Variants in NUDT14 observed in about 807,000 individuals in gnomAD.
NUDT14 encodes nudix hydrolase 14.
Under a neutral mutation model 17.5 loss-of-function variants are expected in NUDT14, and 22 were observed. That is an observed-to-expected ratio of 1.26 (90% CI 0.90 to 1.80). The LOEUF (loss-of-function observed/expected upper bound fraction) is 1.80. Ranked by LOEUF, NUDT14 falls within the 40% of genes most tolerant of loss-of-function variation. The pLI is 0.00. For synonymous variants in NUDT14, 129 were observed against 125.8 expected (o/e 1.03, Z -0.17); for missense variants, 296 against 295.6 (o/e 1.00, Z -0.01).
intron 2 of NUDT14, chr14:105,177,307 C>T (rs751780926): frequency 8.1e-5 from 49 of 605,246 alleles, no homozygotes; most frequent in Non-Finnish European, 1.3e-4. Context: ...TCAGGGTGCT[C>T]GCAGCTGAGG....
At position 105,177,840 on chromosome 14, in the gene NUDT14, C is replaced by G. The variant is rs183889098; in HGVS notation, c.82-105G>C. On this transcript the variant is annotated intron_variant, in intron 1 of 4. Transcript: ENST00000392568. ...TGCACCCACTCCTAACCAGGGAGAT[C>G]GGCTCGTGGCCTGGGCCCACGGGAG... The G allele has an allele frequency of 4.0e-4, 444 of 1,096,858 alleles. 2 individuals are homozygous for G. In the Middle Eastern group the frequency reaches 5.8e-3, roughly 14 times the overall value. 67.9% of individuals were successfully genotyped at this position (1,096,858 alleles called of 1,614,324 possible).
chr14:105,175,616 T>G, intron 4 of NUDT14: 3 of 604,388 alleles, frequency 5.0e-6, no homozygotes, highest in Non-Finnish European at 6.2e-6. Context: ...GTCAGGCTGG[T>G]CTCGAACTCC....
intron 1 of NUDT14, 172 bp from the exon 2 acceptor site, chr14:105,177,907 G>A: frequency 3.3e-6 from 2 of 607,760 alleles, no homozygotes; most frequent in Non-Finnish European, 3.0e-6. Flanking sequence ...CAAGCAGCCT[G>A]GGAGGGGCAG....
chr14:105,174,266 G>A (rs1889165594), intron 4 of NUDT14, among the ~76,000 whole-genome samples: 1 of 152,066 alleles, frequency 6.6e-6, no homozygotes, highest in African/African-American at 2.4e-5. Flanking sequence ...GGGCTAGGAG[G>A]ACAGGATGGC....
chr14:105,176,318 C>G (rs973185801), intron 4 of NUDT14: 3 of 601,396 alleles, frequency 5.0e-6, no homozygotes, highest in Non-Finnish European at 8.8e-6. Context: ...GGGCCGCAGG[C>G]TGGGGGCATG....
In NUDT14 at chr14:105,177,043, G is replaced by A; in HGVS notation, c.126-16C>T. 1.2e-6 allele frequency: 2 copies of A among 1,609,602 alleles called. No individual in the cohort carries two copies. Among genetic ancestry groups the A allele is most frequent in the Non-Finnish European group, 1.7e-6 (2 of 1,178,956 alleles). On this transcript the variant is annotated splice_polypyrimidine_tract_variant and intron_variant, in intron 2 of 4. Coordinates refer to ENST00000392568, the MANE Select transcript of NUDT14 (RefSeq NM_177533.5). Reference sequence around the variant, plus strand: ...AACGGTCACGCTGTGTACGGGGGGAGGGGCTCAGCACAGAAGCACTCCACT... The same window carrying A: ...AACGGTCACGCTGTGTACGGGGGGAAGGGCTCAGCACAGAAGCACTCCACT...
rs776620428 is a variant in NUDT14 at position 105,173,054 on chromosome 14, G to A, written c.636C>T (p.Leu212=). 8 of 1,520,414 alleles carry A rather than the reference G, an allele frequency of 5.3e-6. No homozygotes were observed. The highest frequency in any genetic ancestry group is 7.1e-6 in the Non-Finnish European group (8 of 1,133,726). The allele number at this position is 1,520,414 out of a possible 1,614,324, so 94.2% of individuals were successfully genotyped here. Residue 212 remains leucine (L), a synonymous_variant, in exon 5 of 5, where the codon CTC becomes CTT. Transcript: ENST00000392568. This position sits in a 1 kb window ranked among gnomAD's most constrained non-coding sequence, Gnocchi z 4.7. ...LGVIFGVSWF[L]SQVAPNLDLQ is the part of the protein sequence containing the mutation. ...GATCCAGGTTGGGGGCCACCTGGCTGAGGAACCATGAGACACCAAAGATGA... is the reference window on the plus strand; with the variant it reads ...GATCCAGGTTGGGGGCCACCTGGCTAAGGAACCATGAGACACCAAAGATGA...
At chr14:105,174,099 G>A (rs1458518299) in intron 4 of NUDT14, among the ~76,000 whole-genome samples, 1 of 152,038 alleles carries the variant, frequency 6.6e-6, no homozygotes, top group Non-Finnish European at 1.5e-5. Context: ...GGGTGGCAGC[G>A]AGGTCCTCAG....
intron 2 of NUDT14, chr14:105,177,436 C>A: frequency 1.8e-6 from 1 of 560,684 alleles, no homozygotes; most frequent in Non-Finnish European, 3.2e-6. Flanking sequence ...TCCAGGACAG[C>A]CTCTCCCTGC....
chr14:105,177,971 G>A (rs1889252801), intron 1 of NUDT14, among the ~76,000 whole-genome samples: 1 of 152,118 alleles, frequency 6.6e-6, no homozygotes, highest in South Asian at 2.1e-4. Context: ...CCAGGGCAAA[G>A]GGCAGGGAAG....
At position 105,173,137 on chromosome 14, in the gene NUDT14, G is replaced by A; in HGVS notation, c.553C>T (p.Pro185Ser). The change falls in exon 5 of 5, where the codon CCC becomes TCC. Residue 185 changes from proline (P) to serine (S), a missense_variant. Coordinates refer to ENST00000392568, the MANE Select transcript of NUDT14 (RefSeq NM_177533.5). This position sits in a 1 kb window ranked among gnomAD's most constrained non-coding sequence, Gnocchi z 4.7. Reference protein sequence around the residue: ...EGELIEVVHLPLEGAQAFADD... With the variant: ...EGELIEVVHLSLEGAQAFADD... ...GCAAAGGCCTGGGCGCCTTCCAGGG[G>A]CAGGTGCACCACCTCAATGAGCTCA... 1.2e-6 allele frequency: 2 copies of A among 1,609,152 alleles called. No homozygotes were observed. The highest frequency in any genetic ancestry group is 2.2e-5 in the East Asian group (1 of 44,780).
chr14:105,175,903 T>C (rs1595199258), intron 4 of NUDT14: 2 of 1,197,930 alleles, frequency 1.7e-6, no homozygotes, highest in Non-Finnish European at 2.1e-6. Flanking sequence ...TGGAGGCTGG[T>C]GCTCAGCTGG....
chr14:105,175,036 G>A (rs587595535), intron 4 of NUDT14, among the ~76,000 whole-genome samples: 37 of 152,296 alleles, frequency 2.4e-4, no homozygotes, highest in African/African-American at 8.4e-4. Context: ...TTCCCGATGC[G>A]AGTCTAAGCA....
At chr14:105,175,151 C>T (rs1889183915) in intron 4 of NUDT14, among the ~76,000 whole-genome samples, 1 of 152,222 alleles carries the variant, frequency 6.6e-6, no homozygotes, top group Non-Finnish European at 1.5e-5. Flanking sequence ...GGCTGCTTGA[C>T]CACTTGCCCT....
Position 105,176,612 on chromosome 14 carries a change from TC to T in NUDT14, c.349del (p.Glu117LysfsTer32). ...CTCCCAAGCCTCCTTGCAAGCCACTTCCTCCAGCGAGAGCCCAGGCTGGTCC... is the reference window on the plus strand; with the variant it reads ...CTCCCAAGCCTCCTTGCAAGCCACTTCTCCAGCGAGAGCCCAGGCTGGTCC... The part of the protein sequence containing the change: ...LVDQPGLSLE[E>X]VACKEAWEEC... On this transcript the variant is annotated frameshift_variant, in exon 4 of 5. Coordinates refer to ENST00000392568, the MANE Select transcript of NUDT14 (RefSeq NM_177533.5). LOFTEE classifies it high-confidence loss of function. 6.2e-7 allele frequency: 1 copy of T among 1,612,544 alleles called. No homozygotes were observed. The highest frequency in any genetic ancestry group is 8.5e-7 in the Non-Finnish European group (1 of 1,179,924).
chr14:105,176,642 A>C lies in NUDT14; in HGVS notation c.320T>G (p.Leu107Arg). ...CAGCGAGAGCCCAGGCTGGTCCACG[A>C]GGCCGGCACACAGCTCAACTGTCAC... The part of the protein sequence containing the change: ...AGVTVELCAG[L>R]VDQPGLSLEE... Residue 107 changes from leucine to arginine, a missense_variant, in exon 4 of 5, where the codon CTC becomes CGC. Coordinates refer to ENST00000392568, the MANE Select transcript of NUDT14 (RefSeq NM_177533.5). The C allele has an allele frequency of 6.2e-7, 1 of 1,612,694 alleles. No homozygotes were observed.
intron 2 of NUDT14, 69 bp from the exon 3 acceptor site, chr14:105,177,096 T>C: frequency 1.4e-6 from 2 of 1,479,692 alleles, no homozygotes; most frequent in Non-Finnish European, 1.9e-6. Flanking sequence ...ACCTCCCATC[T>C]TTCTGTTCCC....
chr14:105,177,636 C>G, intron 2 of NUDT14, 56 bp downstream of exon 2: 1 of 1,552,384 alleles, frequency 6.4e-7, no homozygotes, highest in African/African-American at 1.4e-5. Context: ...GGCCCAGTGT[C>G]CCCGTAGACA....
Position 105,181,248 on chromosome 14 carries a change from G to C in NUDT14, c.-39C>G, listed in dbSNP as rs1367943018. The C allele has an allele frequency of 2.5e-6, 2 of 797,618 alleles. No homozygotes were observed. Among genetic ancestry groups the C allele is most frequent in the Non-Finnish European group, 3.2e-6 (2 of 631,398 alleles). 49.4% of individuals were successfully genotyped at this position (797,618 alleles called of 1,614,324 possible). A position where few individuals can be genotyped will look rare whatever the true frequency, so the allele number is the denominator to read the frequency against. ...CAGGCGGGGGCCGCGAGCTCTGCGG[G>C]GGCCGACACGGGGCGGCGCCCTGTC... On this transcript the variant is annotated 5_prime_UTR_variant, in exon 1 of 5. Transcript: ENST00000392568. This position sits in a 1 kb window ranked among gnomAD's most constrained non-coding sequence, Gnocchi z 5.0.
Sources: allele counts gnomAD v4.1 joint callset (sites outside exome capture counted in the v4.1 genomes callset), GRCh38; gene constraint gnomAD v4.1.1; non-coding constraint Gnocchi (gnomAD v3.1); transcripts MANE v1.5; gene names NCBI Gene and HGNC (gene_info 2026-07-23, HGNC 2026-07-21).